RASSF5: variants seen among roughly 807,000 people sequenced by gnomAD.
RASSF5 encodes Ras association domain family member 5.
RASSF5 carries 25 observed loss-of-function variants against 40.5 expected under a neutral mutation model. That is an observed-to-expected ratio of 0.62 (90% CI 0.45 to 0.86). RASSF5 has a LOEUF of 0.86. Among genes scored for constraint, RASSF5 ranks in the 40% least tolerant of loss-of-function variants. The probability of loss-of-function intolerance (pLI) is 0.00; values close to 1 mark genes in which losing one functional copy is unlikely to be tolerated. For missense variants in RASSF5, 521 were observed against 572.8 expected, an observed-to-expected ratio of 0.91 and a Z score of 0.92; for synonymous variants, 246 against 252.4, an observed-to-expected ratio of 0.97 and a Z score of 0.24.
In RASSF5 at chr1:206,557,691, A is replaced by G. The variant is rs781899492; in HGVS notation, c.579+19398A>G. The G allele has an allele frequency of 2.9e-5, 47 of 1,614,202 alleles. No individual in the cohort carries two copies. In the East Asian group the frequency reaches 1.0e-3, roughly 36 times the overall value. ...AAATGCGCAGAGCAAACATCTTTCAAAGGTAAACATAATAATGGAATGCAG... is the reference window on the plus strand; with the variant it reads ...AAATGCGCAGAGCAAACATCTTTCAGAGGTAAACATAATAATGGAATGCAG... On this transcript the variant is annotated intron_variant, in intron 2 of 5. Coordinates refer to ENST00000579436, the MANE Select transcript of RASSF5 (RefSeq NM_182663.4).
chr1:206,578,368 A>G (rs1019248867), intron 2 of RASSF5, among the ~76,000 whole-genome samples: 11 of 152,164 alleles, frequency 7.2e-5, no homozygotes, highest in African/African-American at 2.2e-4. Flanking sequence ...AATGAGCATC[A>G]TAATAGTATT....
In RASSF5 at chr1:206,579,629, G is replaced by T. The variant is rs1340914902; in HGVS notation, c.580-3640G>T. On this transcript the variant is annotated intron_variant, in intron 2 of 5. Transcript: ENST00000579436. The surrounding 1 kb of genome is among the most constrained non-coding windows in gnomAD (Gnocchi z 4.2). ...GGGTCTGTCTATTTCAGTTCTTTTC[G>T]AATGTTGCTGCGAATTAAAATCAAC... Among the ~76,000 whole-genome samples the T allele has an allele frequency of 6.6e-6, 1 of 152,078 alleles. No homozygotes were observed. Among genetic ancestry groups the T allele is most frequent in the Non-Finnish European group, 1.5e-5 (1 of 68,028 alleles).
At chr1:206,582,860 G>T (rs1376713198) in intron 2 of RASSF5, among the ~76,000 whole-genome samples, 1 of 152,174 alleles carries the variant, frequency 6.6e-6, no homozygotes, top group Non-Finnish European at 1.5e-5. Context: ...ACCATGGCTT[G>T]TATTTCTTTG....
At chr1:206,517,298 A>AC (rs1319622420) in intron 1 of RASSF5, among the ~76,000 whole-genome samples, 5 of 151,542 alleles carry the variant, frequency 3.3e-5, no homozygotes, top group Admixed American at 2.0e-4. Flanking sequence ...ACATGGTGAG[A>AC]CCCCCACCTC....
Position 206,552,337 on chromosome 1 carries a change from T to G in RASSF5, c.579+14044T>G, listed in dbSNP as rs1052216100. Reference sequence around the variant, plus strand: ...ATCTGGTTAAGGATGCTTCTCAGAGTCAGATGGAAGGTGTGGGAGGTATGG... The same window carrying G: ...ATCTGGTTAAGGATGCTTCTCAGAGGCAGATGGAAGGTGTGGGAGGTATGG... On this transcript the variant is annotated intron_variant, in intron 2 of 5. Coordinates refer to ENST00000579436, the MANE Select transcript of RASSF5 (RefSeq NM_182663.4). This position sits in a 1 kb window ranked among gnomAD's most constrained non-coding sequence, Gnocchi z 4.1. Among the ~76,000 whole-genome samples the G allele has an allele frequency of 6.6e-6, 1 of 152,064 alleles. No individual in the cohort carries two copies. The highest frequency in any genetic ancestry group is 1.5e-5 in the Non-Finnish European group (1 of 68,010).
chr1:206,524,198 A>G (rs886087458), intron 1 of RASSF5, among the ~76,000 whole-genome samples: 3 of 137,518 alleles, frequency 2.2e-5, no homozygotes, highest in African/African-American at 5.3e-5. Flanking sequence ...TATAGATACC[A>G]TATGTAATAT....
intron 2 of RASSF5, among the ~76,000 whole-genome samples, chr1:206,539,756 G>A (rs1285702707): frequency 6.6e-6 from 1 of 152,190 alleles, no homozygotes; most frequent in Non-Finnish European, 1.5e-5. Flanking sequence ...CAAAAGTGCT[G>A]ATGGGCAATG....
In RASSF5 at chr1:206,578,412, G is replaced by A. The variant is rs534660588; in HGVS notation, c.580-4857G>A. 2.6e-5 allele frequency among the ~76,000 whole-genome samples: 4 copies of A among 152,234 alleles called. No homozygotes were observed. In the East Asian group the frequency reaches 7.7e-4, roughly 29 times the overall value. The stretch of plus-strand genomic sequence containing the variant: ...CACATTTGCTGTGATGATGAAATGA[G>A]CTAATACATGCTAAGTGAGTAGAAT... On this transcript the variant is annotated intron_variant, in intron 2 of 5. Coordinates refer to ENST00000579436, the MANE Select transcript of RASSF5 (RefSeq NM_182663.4).
At chr1:206,544,392 T>C (rs1462341895) in intron 2 of RASSF5, 2 of 152,228 alleles carry the variant, frequency 1.3e-5, no homozygotes, top group African/African-American at 4.8e-5. Flanking sequence ...TGGCTTCCCA[T>C]TGCCCTCAGA....
chr1:206,538,385 G>C, intron 2 of RASSF5, 92 bp downstream of exon 2: 1 of 1,538,830 alleles, frequency 6.5e-7, no homozygotes, highest in African/African-American at 1.4e-5. Flanking sequence ...GTGAGCAGGA[G>C]GTGGCATGAG....
At chr1:206,519,525 G>A (rs895768903) in intron 1 of RASSF5, among the ~76,000 whole-genome samples, 3 of 152,194 alleles carry the variant, frequency 2.0e-5, no homozygotes, top group Non-Finnish European at 2.9e-5. Context: ...CCTTGTTAAA[G>A]GTCATTGCCA....
chr1:206,516,259 T>C (rs1228859696), intron 1 of RASSF5, among the ~76,000 whole-genome samples: 2 of 152,178 alleles, frequency 1.3e-5, no homozygotes, highest in East Asian at 3.8e-4. Context: ...AAAATCTATC[T>C]AGTTTTCCAA....
At position 206,586,609 on chromosome 1, in the gene RASSF5, C is replaced by T. The variant is rs1669122920; in HGVS notation, c.1105-217C>T. 11 of 531,108 alleles carry T rather than the reference C, an allele frequency of 2.1e-5. 1 individual carries two copies. In the South Asian group the frequency reaches 2.1e-4, roughly 10 times the overall value. 32.9% of individuals were successfully genotyped at this position (531,108 alleles called of 1,614,324 possible). A position where few individuals can be genotyped will look rare whatever the true frequency, so the allele number is the denominator to read the frequency against. On this transcript the variant is annotated intron_variant, in intron 5 of 5. Transcript: ENST00000579436. ...AAAAACATGGTTCATAGACTGGCAA[C>T]TCTTGGTCATGAGATGCCAGCATTT...
intron 2 of RASSF5, among the ~76,000 whole-genome samples, chr1:206,545,847 T>C (rs1553400075): frequency 6.6e-6 from 1 of 152,032 alleles, no homozygotes; most frequent in Non-Finnish European, 1.5e-5. Context: ...TCATTTCTTA[T>C]AGGCAGCAAA....
chr1:206,516,445 C>T (rs569658696), intron 1 of RASSF5, among the ~76,000 whole-genome samples: 10 of 152,126 alleles, frequency 6.6e-5, no homozygotes, highest in Admixed American at 3.9e-4. Flanking sequence ...GAAGGGATTT[C>T]CCCGCATTAC....
At chr1:206,553,533 C>A (rs2103535517) in intron 2 of RASSF5, among the ~76,000 whole-genome samples, 1 of 152,308 alleles carries the variant, frequency 6.6e-6, no homozygotes, top group South Asian at 2.1e-4. Context: ...CAAACTCAAT[C>A]TTGACCCTGT....
intron 1 of RASSF5, among the ~76,000 whole-genome samples, chr1:206,524,210 C>T (rs1214429037): frequency 7.7e-6 from 1 of 129,230 alleles, no homozygotes; most frequent in African/African-American, 2.9e-5. Flanking sequence ...ATGTAATATA[C>T]TTTATATATA....
intron 1 of RASSF5, among the ~76,000 whole-genome samples, chr1:206,521,809 C>A (rs1666916727): frequency 6.6e-6 from 1 of 152,160 alleles, no homozygotes; most frequent in South Asian, 2.1e-4. Flanking sequence ...CTCAGGGGCC[C>A]AGGGATGGGT....
chr1:206,562,885 G>A (rs112958700), intron 2 of RASSF5, among the ~76,000 whole-genome samples: 6,239 of 151,802 alleles, frequency 0.041, 136 homozygotes, highest in Admixed American at 0.051. Context: ...TCGTGCCACT[G>A]CACTCCAGCC....
Sources: allele counts gnomAD v4.1 joint callset (sites outside exome capture counted in the v4.1 genomes callset), GRCh38; gene constraint gnomAD v4.1.1; non-coding constraint Gnocchi (gnomAD v3.1); transcripts MANE v1.5; gene names NCBI Gene and HGNC (gene_info 2026-07-23, HGNC 2026-07-21).